Variants in XPO1 observed in about 807,000 individuals in gnomAD.
XPO1 encodes the protein exportin 1.
A neutral mutation model predicts 133.3 loss-of-function variants in XPO1; 5 were observed. That is an observed-to-expected ratio of 0.04 (90% CI 0.02 to 0.08). The LOEUF (loss-of-function observed/expected upper bound fraction) is 0.08, where lower values mean the gene tolerates loss of function less well. XPO1 is among the 10% of genes least tolerant of loss of function. XPO1 has a pLI of 1.00. For synonymous variants in XPO1, 419 were observed against 408.2 expected (o/e 1.03, Z -0.32); for missense variants, 506 against 1,267.5 (o/e 0.40, Z 9.12).
In XPO1 at chr2:61,492,347, G is replaced by A. The variant is rs1460890241; in HGVS notation, c.1701C>T (p.Asn567=). 6 of 1,601,532 alleles carry A rather than the reference G, an allele frequency of 3.7e-6. No individual in the cohort carries two copies. In the African/African-American group the frequency reaches 6.8e-5, roughly 18 times the overall value. The stretch of plus-strand genomic sequence containing the variant: ...TACCATGCATGAATTCGAACAGCTT[G>A]TTAACTACAGTCTTCAGAAATTTCC... ...AHWKFLKTVV[N]KLFEFMHETH... Residue 567 remains asparagine (N), a synonymous_variant, in exon 15 of 25, where the codon AAC becomes AAT. Coordinates refer to ENST00000401558, the MANE Select transcript of XPO1 (RefSeq NM_003400.4). This position sits in a 1 kb window ranked among gnomAD's most constrained non-coding sequence, Gnocchi z 5.6.
intron 9 of XPO1, among the ~76,000 whole-genome samples, chr2:61,498,153 G>C (rs1697333794): frequency 6.6e-6 from 1 of 152,200 alleles, no homozygotes; most frequent in African/African-American, 2.4e-5. Context: ...CTGGAGTGCA[G>C]TGGCACGATC....
At chr2:61,488,398 T>G (rs1696798124) in intron 18 of XPO1, 127 bp from the exon 19 acceptor site, 2 of 1,209,720 alleles carry the variant, frequency 1.7e-6, no homozygotes, top group African/African-American at 3.0e-5. Context: ...CAAAATTTAT[T>G]GGGAAAATAA....
intron 18 of XPO1, 92 bp from the exon 19 acceptor site, chr2:61,488,363 TA>T: frequency 7.5e-7 from 1 of 1,339,492 alleles, no homozygotes; most frequent in Non-Finnish European, 1.0e-6. Context: ...ATTTTACCAT[TA>T]AAAAGTTTAA....
In XPO1 at chr2:61,522,614, C is replaced by T; in HGVS notation, c.298G>A (p.Glu100Lys). Residue 100 changes from glutamate to lysine, a missense_variant, in exon 4 of 25, where the codon GAA (glutamate) becomes AAA (lysine). This residue lies in a region of XPO1 where 68 missense variants were observed against 210.5 expected (regional missense o/e 0.32). Coordinates refer to ENST00000401558, the MANE Select transcript of XPO1 (RefSeq NM_003400.4). ...RWKILPRNQC[E>K]GIKKYVVGLI... The stretch of plus-strand genomic sequence containing the variant: ...TTATAATTCTTTATTTTCCTACCTT[C>T]GCACTGGTTCCTTGGAAGAATCTTC... 1 of 1,613,414 alleles carries T rather than the reference C, an allele frequency of 6.2e-7. No homozygotes were observed. The highest frequency in any genetic ancestry group is 8.5e-7 in the Non-Finnish European group (1 of 1,179,472).
At chr2:61,522,554 A>G in intron 4 of XPO1, 57 bp downstream of exon 4, 2 of 1,464,834 alleles carry the variant, frequency 1.4e-6, no homozygotes, top group Non-Finnish European at 1.9e-6. Flanking sequence ...ACAGTCAACT[A>G]CAATAAAAAT....
At chr2:61,510,488 A>G (rs1000045662) in intron 4 of XPO1, among the ~76,000 whole-genome samples, 3 of 152,220 alleles carry the variant, frequency 2.0e-5, no homozygotes, top group Non-Finnish European at 4.4e-5. Flanking sequence ...CAGATAATCT[A>G]TAATTTAACC....
intron 24 of XPO1, among the ~76,000 whole-genome samples, chr2:61,480,095 C>T (rs554321492): frequency 6.6e-6 from 1 of 150,572 alleles, no homozygotes; most frequent in East Asian, 2.0e-4. Flanking sequence ...GAACTCCTGA[C>T]CTCAACTGAT....
chr2:61,489,410 T>C (rs1573119608), intron 17 of XPO1, among the ~76,000 whole-genome samples: 3 of 97,168 alleles, frequency 3.1e-5, no homozygotes, highest in African/African-American at 7.6e-5. Flanking sequence ...TGAAACTCCA[T>C]CTCAAAAAAA....
intron 17 of XPO1, among the ~76,000 whole-genome samples, chr2:61,489,521 T>C (rs1696861399): frequency 6.6e-6 from 1 of 152,152 alleles, no homozygotes. Flanking sequence ...AAACGCCTTT[T>C]TGTCTACATC....
At chr2:61,490,203 A>AT (rs70963437) in intron 17 of XPO1, among the ~76,000 whole-genome samples, 88,905 of 141,894 alleles carry the variant, frequency 0.63, 27,177 homozygotes, top group Middle Eastern at 0.7. Flanking sequence ...TTTTTCATTT[A>AT]TTTTTTTTTT....
rs182433686 is a variant in XPO1 at position 61,478,311 on chromosome 2, T to C, written c.*509A>G. On this transcript the variant is annotated 3_prime_UTR_variant, in exon 25 of 25. Coordinates refer to ENST00000401558, the MANE Select transcript of XPO1 (RefSeq NM_003400.4). ...CTGCAATCTTGCCAAAGAGACTTTGTAATACATGTAGTCTAGACAAACGAT... is the reference window on the plus strand; with the variant it reads ...CTGCAATCTTGCCAAAGAGACTTTGCAATACATGTAGTCTAGACAAACGAT... 4.3e-6 allele frequency: 1 copy of C among 234,002 alleles called. No individual in the cohort carries two copies. The highest frequency in any genetic ancestry group is 2.2e-5 in the African/African-American group (1 of 45,488). 14.5% of individuals were successfully genotyped at this position (234,002 alleles called of 1,614,324 possible). A position where few individuals can be genotyped will look rare whatever the true frequency, so the allele number is the denominator to read the frequency against.
intron 6 of XPO1, among the ~76,000 whole-genome samples, chr2:61,500,313 G>T (rs1161197014): frequency 6.6e-6 from 1 of 152,006 alleles, no homozygotes; most frequent in African/African-American, 2.4e-5. Context: ...GGGCGTGGTA[G>T]CTCGTGCCTG....
rs141475776 is a variant in XPO1 at position 61,479,073 on chromosome 2, T to C, written c.3070-107A>G. ...TTAGAGAAGGAAGGAATATAAATTA[T>C]CCATAAAGTGGCTGGGTTTTAAATT... On this transcript the variant is annotated intron_variant, in intron 24 of 24. Coordinates refer to ENST00000401558, the MANE Select transcript of XPO1 (RefSeq NM_003400.4). The C allele has an allele frequency of 1.1e-3, 1,494 of 1,325,868 alleles. 30 individuals carry two copies. In the East Asian group the frequency reaches 0.031, roughly 28 times the overall value. 82.1% of individuals were successfully genotyped at this position (1,325,868 alleles called of 1,614,324 possible).
chr2:61,483,553 T>C (rs2104308819), intron 21 of XPO1: 1 of 183,464 alleles, frequency 5.5e-6, no homozygotes, highest in South Asian at 1.3e-4. Context: ...ACTATTGAAA[T>C]AAAAAAAGAA....
At chr2:61,481,681 GT>G (rs1202847058) in intron 23 of XPO1, among the ~76,000 whole-genome samples, 2 of 151,812 alleles carry the variant, frequency 1.3e-5, no homozygotes, top group African/African-American at 4.8e-5. Context: ...CTGACCTCAG[GT>G]AATCTGCCCG....
chr2:61,487,577 T>C (rs915069373), intron 19 of XPO1, among the ~76,000 whole-genome samples: 1 of 150,854 alleles, frequency 6.6e-6, no homozygotes, highest in Admixed American at 6.6e-5. Flanking sequence ...TTCCAAGTAA[T>C]AGTAGTATTA....
rs750991200 is a variant in XPO1, at chr2:61,488,151, C to G, written c.2313+14G>C. ...TCAACACTAGAAATCAAAAGCAAAG[C>G]ATCTCTCACTTACCATCTGTGGATC... On this transcript the variant is annotated intron_variant, in intron 19 of 24. Transcript: ENST00000401558. 36 of 1,607,086 alleles carry G rather than the reference C, an allele frequency of 2.2e-5. No homozygotes were observed. The highest frequency in any genetic ancestry group is 3.0e-5 in the Non-Finnish European group (35 of 1,173,988).
At chr2:61,481,477 T>C (rs973296519) in intron 23 of XPO1, among the ~76,000 whole-genome samples, 196 bp from the exon 24 acceptor site, 1 of 152,140 alleles carries the variant, frequency 6.6e-6, no homozygotes, top group African/African-American at 2.4e-5. Flanking sequence ...TTTTAATTTT[T>C]GAGACAAAGT....
At chr2:61,487,745 G>T (rs1696768375) in intron 19 of XPO1, among the ~76,000 whole-genome samples, 1 of 152,108 alleles carries the variant, frequency 6.6e-6, no homozygotes, top group South Asian at 2.1e-4. Flanking sequence ...TAGGAAAAAG[G>T]GTGTAAAAAA....
Sources: allele counts gnomAD v4.1 joint callset (sites outside exome capture counted in the v4.1 genomes callset), GRCh38; gene constraint gnomAD v4.1.1; regional missense constraint gnomAD v4.1.1; non-coding constraint Gnocchi (gnomAD v3.1); transcripts MANE v1.5; gene names NCBI Gene and HGNC (gene_info 2026-07-23, HGNC 2026-07-21).